The following CNGB3 variants were observed in gnomAD, a reference collection of about 807,000 sequenced individuals.
CNGB3 encodes cyclic nucleotide-gated channel beta-3.
Under a neutral mutation model 92.8 loss-of-function variants are expected in CNGB3, and 86 were observed. The observed-to-expected ratio is 0.93, with a 90% CI of 0.78 to 1.11. The LOEUF is 1.11. CNGB3 is among the 50% of genes least tolerant of loss of function. The pLI, the probability that CNGB3 is intolerant of heterozygous loss-of-function variation, is 0.00. For missense variants in CNGB3, 1,026 were observed against 956.8 expected, an observed-to-expected ratio of 1.07 and a Z score of -0.95; for synonymous variants, 333 against 332.7, an observed-to-expected ratio of 1.00 and a Z score of -0.01.
chr8:86,626,363 G>A (rs190377248), intron 12 of CNGB3, among the ~76,000 whole-genome samples: 69 of 152,270 alleles, frequency 4.5e-4, no homozygotes, highest in Admixed American at 1.0e-3. Context: ...GCTATGAAAC[G>A]TAATGATCAT....
Position 86,579,208 on chromosome 8 carries a change from A to G in CNGB3, c.1826T>C (p.Val609Ala). 6.2e-7 allele frequency: 1 copy of G among 1,614,226 alleles called. No individual in the cohort carries two copies. The highest frequency in any genetic ancestry group is 1.6e-4 in the Middle Eastern group (1 of 6,062). The change falls in exon 16 of 18, where the codon GTG (valine) becomes GCG (alanine). Residue 609 changes from valine to alanine, a missense_variant. By Grantham distance (64) the Val-to-Ala change is moderately conservative. Coordinates refer to ENST00000320005, the MANE Select transcript of CNGB3 (RefSeq NM_019098.5). ...TAAAAGATTGGCAAACCCGTGGGCC[A>G]CCACATTGGCAGTTCGACGGTTTCC... ...GGGNRRTANV[V>A]AHGFANLLTL...
intron 3 of CNGB3, among the ~76,000 whole-genome samples, chr8:86,690,363 T>A (rs1824287420): frequency 6.6e-6 from 1 of 152,248 alleles, no homozygotes; most frequent in Non-Finnish European, 1.5e-5. Flanking sequence ...ATGTCTTCTT[T>A]TGAGAAGTGT....
chr8:86,669,999 G>A (rs921491887), intron 4 of CNGB3, among the ~76,000 whole-genome samples: 2 of 152,002 alleles, frequency 1.3e-5, no homozygotes, highest in Admixed American at 6.6e-5. Context: ...ACAGGCATGT[G>A]CCACCATGCC....
At chr8:86,655,965 A>T (rs1823497952) in intron 6 of CNGB3, among the ~76,000 whole-genome samples, 3 of 152,194 alleles carry the variant, frequency 2.0e-5, no homozygotes. Context: ...GGCTGTCTGG[A>T]AGTTTTAAAC....
At position 86,726,550 on chromosome 8, in the gene CNGB3, C is replaced by T. The variant is rs146688972; in HGVS notation, c.319G>A (p.Gly107Arg). ...GCTCACCTGTTTGGACCTTCTTTCCCGGGGTCCATTTCCTTCTGCTCTGGC... is the reference window on the plus strand; with the variant it reads ...GCTCACCTGTTTGGACCTTCTTTCCTGGGGTCCATTTCCTTCTGCTCTGGC... ...TVPEQKEMDP[G>R]KEGPNSPQNK... The change falls in exon 3 of 18, where the codon GGG becomes AGG. Residue 107 changes from glycine (G) to arginine (R), a missense_variant. Coordinates refer to ENST00000320005, the MANE Select transcript of CNGB3 (RefSeq NM_019098.5). 4.8e-4 allele frequency: 770 copies of T among 1,613,750 alleles called. 1 individual carries two copies. Among genetic ancestry groups the T allele is most frequent in the Admixed American group, 1.3e-3 (77 of 59,990 alleles).
At chr8:86,635,866 A>ATG (rs1823061434) in intron 10 of CNGB3, among the ~76,000 whole-genome samples, 2 of 37,952 alleles carry the variant, frequency 5.3e-5, no homozygotes, top group African/African-American at 3.4e-4. Context: ...ATATATATAC[A>ATG]CATACACATA....
chr8:86,660,546 T>A (rs1823618677), intron 6 of CNGB3: 1 of 534,108 alleles, frequency 1.9e-6, no homozygotes, highest in Non-Finnish European at 3.8e-6. Context: ...ATCTGTACAA[T>A]GGAATTATAG....
At chr8:86,582,998 C>A (rs927634959) in intron 15 of CNGB3, among the ~76,000 whole-genome samples, 10 of 22,858 alleles carry the variant, frequency 4.4e-4, no homozygotes, top group African/African-American at 2.3e-3. Context: ...TGCAATGGTA[C>A]AATCTTGGCT....
intron 3 of CNGB3, among the ~76,000 whole-genome samples, chr8:86,683,637 A>G (rs1406211275): frequency 2.6e-5 from 4 of 152,218 alleles, no homozygotes; most frequent in African/African-American, 7.2e-5. Context: ...CTAAGTCTTG[A>G]TTGGTTATCT....
At chr8:86,739,376 A>G (rs1047129131) in intron 2 of CNGB3, among the ~76,000 whole-genome samples, 7 of 152,194 alleles carry the variant, frequency 4.6e-5, no homozygotes, top group African/African-American at 1.7e-4. Flanking sequence ...AGCTCTATGT[A>G]ACCTCAGACT....
At chr8:86,689,275 T>A (rs1410360637) in intron 3 of CNGB3, among the ~76,000 whole-genome samples, 2 of 151,920 alleles carry the variant, frequency 1.3e-5, no homozygotes, top group African/African-American at 4.8e-5. Flanking sequence ...AACTGTTCCA[T>A]AAAATTTCAT....
chr8:86,741,636 A>C (rs1345575400), intron 1 of CNGB3, among the ~76,000 whole-genome samples: 1 of 152,112 alleles, frequency 6.6e-6, no homozygotes, highest in Non-Finnish European at 1.5e-5. Flanking sequence ...ACTGCACTCC[A>C]GCCTGGGCGA....
intron 13 of CNGB3, among the ~76,000 whole-genome samples, chr8:86,621,668 C>T (rs1585974597): frequency 6.6e-6 from 1 of 152,176 alleles, no homozygotes; most frequent in East Asian, 1.9e-4. Context: ...CTCCAAAGTC[C>T]ATTATATTAT....
intron 11 of CNGB3, among the ~76,000 whole-genome samples, 176 bp from the exon 12 acceptor site, chr8:86,629,254 G>C (rs1484518404): frequency 1.3e-5 from 2 of 152,056 alleles, no homozygotes; most frequent in African/African-American, 4.8e-5. Flanking sequence ...GCAGTGGATT[G>C]ATTTTAAACA....
At chr8:86,681,872 G>A (rs1400677989) in intron 3 of CNGB3, among the ~76,000 whole-genome samples, 1 of 152,118 alleles carries the variant, frequency 6.6e-6, no homozygotes, top group Non-Finnish European at 1.5e-5. Context: ...CCCTAGATAA[G>A]ATTATCTCTT....
chr8:86,710,886 T>A (rs1824737692), intron 3 of CNGB3, among the ~76,000 whole-genome samples: 1 of 152,204 alleles, frequency 6.6e-6, no homozygotes, highest in African/African-American at 2.4e-5. Context: ...CATTAATGAA[T>A]GTTTTTCCTG....
At chr8:86,738,650 T>C (rs555550905) in intron 2 of CNGB3, among the ~76,000 whole-genome samples, 19 of 150,268 alleles carry the variant, frequency 1.3e-4, no homozygotes, top group Non-Finnish European at 2.4e-4. Context: ...CCATCCTGGC[T>C]AACACAGTGA....
intron 13 of CNGB3, among the ~76,000 whole-genome samples, chr8:86,618,940 C>A (rs184839787): frequency 6.6e-6 from 1 of 152,206 alleles, no homozygotes; most frequent in East Asian, 1.9e-4. Flanking sequence ...CTCATCCTTC[C>A]GTCCACAGAA....
rs377650690 is a variant in CNGB3 at position 86,682,859 on chromosome 8, G to A, written c.339-11761C>T. On this transcript the variant is annotated intron_variant, in intron 3 of 17. Coordinates refer to ENST00000320005, the MANE Select transcript of CNGB3 (RefSeq NM_019098.5). ...AAACAGAAATGTGGAGTAAGGTCCT[G>A]CTTCTGCACATTGGGATTCAGGACT... Among the ~76,000 whole-genome samples the A allele has an allele frequency of 7.2e-5, 11 of 152,248 alleles. No homozygotes were observed. In the South Asian group the frequency reaches 2.3e-3, roughly 32 times the overall value.
Sources: allele counts gnomAD v4.1 joint callset (sites outside exome capture counted in the v4.1 genomes callset), GRCh38; gene constraint gnomAD v4.1.1; transcripts MANE v1.5; gene names NCBI Gene and HGNC (gene_info 2026-07-23, HGNC 2026-07-21).